Variants in ADCY9 observed in about 807,000 individuals in gnomAD.
The protein encoded by ADCY9 is adenylate cyclase type 9.
ADCY9 carries 50 observed loss-of-function variants against 101.5 expected under a neutral mutation model. That is an observed-to-expected ratio of 0.49 (90% CI 0.39 to 0.62). The LOEUF is 0.62. ADCY9 is among the 20% of genes least tolerant of loss of function. ADCY9 has a pLI of 0.00. For missense variants in ADCY9, 1,662 were observed against 1,800.4 expected (o/e 0.92, Z 1.39); for synonymous variants, 905 against 769.3 (o/e 1.18, Z -2.92).
At chr16:4,087,389 A>C (rs1263782871) in intron 2 of ADCY9, among the ~76,000 whole-genome samples, 1 of 151,748 alleles carries the variant, frequency 6.6e-6, no homozygotes, top group African/African-American at 2.4e-5. Flanking sequence ...ACAAAAAATT[A>C]GCCACATGTG....
At chr16:3,981,416 G>C (rs370061214) in intron 7 of ADCY9, among the ~76,000 whole-genome samples, 18 of 152,206 alleles carry the variant, frequency 1.2e-4, no homozygotes, top group African/African-American at 4.1e-4. Context: ...GTGGACCAGG[G>C]AAGGCAGACC....
chr16:3,981,369 G>T (rs1469950620), intron 7 of ADCY9, among the ~76,000 whole-genome samples: 6 of 152,188 alleles, frequency 3.9e-5, no homozygotes, highest in Non-Finnish European at 8.8e-5. Context: ...GAGCCCTCAA[G>T]ACGCTACAGC....
At chr16:4,037,816 A>G (rs1315358450) in intron 2 of ADCY9, among the ~76,000 whole-genome samples, 2 of 152,208 alleles carry the variant, frequency 1.3e-5, no homozygotes, top group Admixed American at 6.5e-5. Context: ...ACACAGGGTT[A>G]AGGAGGAGCA....
intron 2 of ADCY9, among the ~76,000 whole-genome samples, chr16:4,037,067 G>C (rs1171671749): frequency 6.6e-6 from 1 of 152,086 alleles, no homozygotes; most frequent in African/African-American, 2.4e-5. Flanking sequence ...TGTAACTCCA[G>C]AACTTCGAGA....
intron 2 of ADCY9, among the ~76,000 whole-genome samples, chr16:4,094,819 A>G (rs1222692862): frequency 2.6e-5 from 4 of 152,178 alleles, no homozygotes; most frequent in Non-Finnish European, 5.9e-5. Flanking sequence ...AAACACACAC[A>G]GAAACTCAGG....
At chr16:3,958,348 C>T (rs2055918867), downstream of ADCY9, among the ~76,000 whole-genome samples, 1 of 151,984 alleles carries the variant, frequency 6.6e-6, no homozygotes, top group Non-Finnish European at 1.5e-5. Context: ...TCAAGACCAG[C>T]CCAGCCATGG....
At position 4,038,851 on chromosome 16, in the gene ADCY9, G is replaced by C. The variant is rs115405134; in HGVS notation, c.1694-31293C>G. Among the ~76,000 whole-genome samples the C allele has an allele frequency of 1.2e-3, 180 of 152,054 alleles. 1 individual carries two copies. Among genetic ancestry groups the C allele is most frequent in the African/African-American group, 4.1e-3 (171 of 41,494 alleles). ...CTTCCACTCCCACTGCCTGAACCCT[G>C]AATGTCTCTCGGGCCCCAGCAAAGA... On this transcript the variant is annotated intron_variant, in intron 2 of 10. Coordinates refer to ENST00000294016, the MANE Select transcript of ADCY9 (RefSeq NM_001116.4).
At chr16:4,080,154 C>G (rs2532012) in intron 2 of ADCY9, among the ~76,000 whole-genome samples, 53,255 of 152,062 alleles carry the variant, frequency 0.35, 9,824 homozygotes, top group East Asian at 0.52. Context: ...ACAGAAAACT[C>G]AAACACAAAA....
intron 2 of ADCY9, among the ~76,000 whole-genome samples, chr16:4,026,796 T>C (rs1016350506): frequency 6.6e-6 from 1 of 152,152 alleles, no homozygotes; most frequent in Admixed American, 6.6e-5. Context: ...AAGGCAAAAC[T>C]ACAGGGAATG....
chr16:4,102,731 T>G (rs2057051539), intron 2 of ADCY9, among the ~76,000 whole-genome samples: 1 of 151,926 alleles, frequency 6.6e-6, no homozygotes, highest in Non-Finnish European at 1.5e-5. Context: ...AGCCATGTGT[T>G]TGTTTTTTGA....
Position 3,966,098 on chromosome 16 carries a change from C to T in ADCY9, c.3739G>A (p.Asp1247Asn). 1 of 1,614,224 alleles carries T rather than the reference C, an allele frequency of 6.2e-7. No homozygotes were observed. Among genetic ancestry groups the T allele is most frequent in the Non-Finnish European group, 8.5e-7 (1 of 1,180,042 alleles). ...TGGTGCTGTGGGATGACCCTGTGAT[C>T]CGTGCACTTTGGGTACAGGTAGGTC... The part of the protein sequence containing the change: ...MKTYLYPKCT[D>N]HRVIPQHQLS... Residue 1247 changes from aspartate (D) to asparagine (N), a missense_variant, in exon 11 of 11, where the codon GAT becomes AAT. Asp to Asn is a conservative substitution (Grantham distance 23). Transcript: ENST00000294016.
chr16:3,980,978 A>C (rs1378305891), intron 7 of ADCY9, among the ~76,000 whole-genome samples: 2 of 152,174 alleles, frequency 1.3e-5, no homozygotes, highest in Non-Finnish European at 2.9e-5. Context: ...GTCACTGAGG[A>C]GGCGCCTGGC....
intron 2 of ADCY9, among the ~76,000 whole-genome samples, chr16:4,080,684 C>T (rs780570493): frequency 6.6e-6 from 1 of 150,484 alleles, no homozygotes; most frequent in South Asian, 2.1e-4. Context: ...ATCATGACGG[C>T]GTTCTCCAGG....
At chr16:4,025,133 C>T (rs545013124) in intron 2 of ADCY9, among the ~76,000 whole-genome samples, 4 of 152,108 alleles carry the variant, frequency 2.6e-5, no homozygotes, top group East Asian at 3.9e-4. Flanking sequence ...GAGGCCGAGG[C>T]GGGTGGATCA....
At chr16:4,071,267 T>A (rs1597207617) in intron 2 of ADCY9, among the ~76,000 whole-genome samples, 1 of 134,060 alleles carries the variant, frequency 7.5e-6, no homozygotes, top group Admixed American at 8.9e-5. Flanking sequence ...GAAGCGGAGG[T>A]TGCAGTGAGC....
chr16:4,036,846 C>T (rs988401954), intron 2 of ADCY9, among the ~76,000 whole-genome samples: 2 of 152,024 alleles, frequency 1.3e-5, no homozygotes, highest in Non-Finnish European at 2.9e-5. Flanking sequence ...ATTCCTTCTA[C>T]GTTACTGCAT....
chr16:3,999,022 T>C (rs537816251), intron 3 of ADCY9, among the ~76,000 whole-genome samples: 1 of 152,188 alleles, frequency 6.6e-6, no homozygotes, highest in African/African-American at 2.4e-5. Flanking sequence ...TCACAACATG[T>C]TTTTTGCCAA....
At chr16:3,988,127 G>GA (rs1567425203) in intron 6 of ADCY9, among the ~76,000 whole-genome samples, 2 of 152,116 alleles carry the variant, frequency 1.3e-5, no homozygotes, top group Non-Finnish European at 2.9e-5. Flanking sequence ...AACCACACAC[G>GA]GAAAGATTCC....
chr16:3,970,310 G>A (rs1418532791), intron 10 of ADCY9, among the ~76,000 whole-genome samples: 2 of 150,592 alleles, frequency 1.3e-5, no homozygotes, highest in African/African-American at 2.4e-5. Flanking sequence ...GGATTACAGG[G>A]ATGAGCCACC....
Sources: allele counts gnomAD v4.1 joint callset (sites outside exome capture counted in the v4.1 genomes callset), GRCh38; gene constraint gnomAD v4.1.1; transcripts MANE v1.5; gene names NCBI Gene and HGNC (gene_info 2026-07-23, HGNC 2026-07-21).